Variants in MAP3K5 observed in about 807,000 individuals in gnomAD.
MAP3K5 encodes the protein mitogen-activated protein kinase kinase kinase 5.
A neutral mutation model predicts 158.7 loss-of-function variants in MAP3K5; 56 were observed. The ratio of observed to expected loss-of-function variants is 0.35; its 90% confidence interval spans 0.28 to 0.44. The LOEUF is 0.44. Ranked by LOEUF, MAP3K5 falls within the 20% of genes least tolerant of loss-of-function variation. The pLI, the probability that MAP3K5 is intolerant of heterozygous loss-of-function variation, is 1.00. For missense variants in MAP3K5, 1,294 were observed against 1,674.8 expected, an observed-to-expected ratio of 0.77 and a Z score of 3.97; for synonymous variants, 579 against 601.7, an observed-to-expected ratio of 0.96 and a Z score of 0.55.
At chr6:136,667,882 G>A (rs1425775121) in intron 8 of MAP3K5, among the ~76,000 whole-genome samples, 1 of 151,670 alleles carries the variant, frequency 6.6e-6, no homozygotes, top group African/African-American at 2.4e-5. Context: ...AGACCTTTAT[G>A]CCTTTAATAC....
chr6:136,669,143 G>T (rs188761783), intron 8 of MAP3K5, 140 bp downstream of exon 8: 12 of 668,626 alleles, frequency 1.8e-5, no homozygotes, highest in Non-Finnish European at 2.7e-6. Flanking sequence ...CAAACAAGGA[G>T]ATATAATAAG....
chr6:136,666,278 A>G (rs1779227268), intron 8 of MAP3K5, among the ~76,000 whole-genome samples: 1 of 152,258 alleles, frequency 6.6e-6, no homozygotes, highest in Non-Finnish European at 1.5e-5. Flanking sequence ...ACAGCATGAC[A>G]GTTAAGAATC....
At chr6:136,722,428 A>G (rs1047069238) in intron 1 of MAP3K5, among the ~76,000 whole-genome samples, 3 of 152,202 alleles carry the variant, frequency 2.0e-5, no homozygotes, top group African/African-American at 7.2e-5. Flanking sequence ...CAGCAATGAT[A>G]AAAACATTAC....
intron 7 of MAP3K5, among the ~76,000 whole-genome samples, chr6:136,686,898 T>C (rs1182172530): frequency 1.3e-5 from 2 of 152,212 alleles, no homozygotes; most frequent in Non-Finnish European, 2.9e-5. Context: ...ACCATTGACA[T>C]TCTTCACAGA....
In MAP3K5 at chr6:136,698,868, T is replaced by A. The variant is rs6929681; in HGVS notation, c.613-186A>T. Among the ~76,000 whole-genome samples, 14,810 of 152,122 alleles carry A rather than the reference T, an allele frequency of 0.097. 2,358 individuals carry two copies. The highest frequency in any genetic ancestry group is 0.33 in the African/African-American group (13,703 of 41,416). On this transcript the variant is annotated intron_variant, in intron 3 of 29. Transcript: ENST00000359015. ...CCTTTCACTGCATACTTCAAATAAT[T>A]AGGACTTACAGATGATACCAAAAAA...
chr6:136,703,478 C>G (rs1168661623), intron 3 of MAP3K5, among the ~76,000 whole-genome samples: 1 of 152,246 alleles, frequency 6.6e-6, no homozygotes, highest in Non-Finnish European at 1.5e-5. Context: ...AACAGTTACA[C>G]ATGTGCTTGT....
At chr6:136,757,586 A>ATTTTTTTTTTTTT (rs897486770) in intron 1 of MAP3K5, among the ~76,000 whole-genome samples, 4 of 127,818 alleles carry the variant, frequency 3.1e-5, no homozygotes, top group African/African-American at 6.2e-5. Flanking sequence ...TTTATTTTTT[A>ATTTTTTTTTTTTT]TTTTTTTTTT....
At chr6:136,639,471 A>G in intron 13 of MAP3K5, 72 bp downstream of exon 13, 2 of 755,624 alleles carry the variant, frequency 2.6e-6, no homozygotes, top group Non-Finnish European at 2.2e-6. Context: ...CAGGAGGTAC[A>G]TGTTCACTCA....
chr6:136,710,933 A>C (rs1298077801), intron 2 of MAP3K5, among the ~76,000 whole-genome samples: 1 of 152,132 alleles, frequency 6.6e-6, no homozygotes, highest in Non-Finnish European at 1.5e-5. Context: ...ACTCATTTCA[A>C]TGTGTCAAAA....
At chr6:136,682,021 A>C (rs1261240689) in intron 7 of MAP3K5, among the ~76,000 whole-genome samples, 1 of 152,224 alleles carries the variant, frequency 6.6e-6, no homozygotes, top group African/African-American at 2.4e-5. Context: ...TCAAGGTCAA[A>C]GCATGAGACC....
intron 8 of MAP3K5, among the ~76,000 whole-genome samples, chr6:136,661,942 A>G (rs1160239201): frequency 6.6e-6 from 1 of 152,256 alleles, no homozygotes; most frequent in Admixed American, 6.5e-5. Context: ...CATTTATCAC[A>G]TGATTGTGAC....
At chr6:136,777,907 G>GT (rs1478073587) in intron 1 of MAP3K5, among the ~76,000 whole-genome samples, 1 of 152,130 alleles carries the variant, frequency 6.6e-6, no homozygotes, top group Non-Finnish European at 1.5e-5. Flanking sequence ...ATTTTATTAT[G>GT]TAACACGGGT....
intron 15 of MAP3K5, among the ~76,000 whole-genome samples, chr6:136,620,135 T>A (rs1212680732): frequency 6.6e-6 from 1 of 152,156 alleles, no homozygotes; most frequent in East Asian, 1.9e-4. Context: ...GCAGGCATGA[T>A]GATGCAGGCC....
Position 136,567,726 on chromosome 6 carries a change from G to A in MAP3K5, c.3666C>T (p.Gly1222=), listed in dbSNP as rs751679984. 4.7e-5 allele frequency: 76 copies of A among 1,613,920 alleles called. No homozygotes were observed. The highest frequency in any genetic ancestry group is 4.0e-5 in the Non-Finnish European group (47 of 1,180,010). Residue 1222 remains glycine (G), a synonymous_variant, in exon 26 of 30, where the codon GGC becomes GGT. Coordinates refer to ENST00000359015, the MANE Select transcript of MAP3K5 (RefSeq NM_005923.4). ...ACACAGTAGAACTGAGCGTGCTCAC[G>A]CCTGAGGTAGCCACAGCATCTTCAA... ...AVIEDAVATS[G]VSTLSSTVSH... is the part of the protein sequence containing the mutation.
At chr6:136,781,371 G>T (rs1397207205) in intron 1 of MAP3K5, among the ~76,000 whole-genome samples, 1 of 152,222 alleles carries the variant, frequency 6.6e-6, no homozygotes, top group African/African-American at 2.4e-5. Context: ...GCTAGCAAGA[G>T]GGAATCAGAA....
intron 10 of MAP3K5, among the ~76,000 whole-genome samples, chr6:136,652,961 C>T (rs1778584960): frequency 6.6e-6 from 1 of 152,280 alleles, no homozygotes; most frequent in South Asian, 2.1e-4. Flanking sequence ...ATATACCTCA[C>T]TTATGAGTTT....
In MAP3K5 at chr6:136,601,131, T is replaced by C; in HGVS notation, c.2858-89A>G. ...ATCAACAAAAAATGAATGCCTGAAA[T>C]GGGGTCAATGTCCTTTCCAAACATT... On this transcript the variant is annotated intron_variant, in intron 20 of 29. Transcript: ENST00000359015. 2.5e-6 allele frequency: 3 copies of C among 1,217,692 alleles called. No individual in the cohort carries two copies. The South Asian group carries it at 3.8e-5, about 15-fold the overall frequency. 75.4% of individuals were successfully genotyped at this position (1,217,692 alleles called of 1,614,324 possible). A position where few individuals can be genotyped will look rare whatever the true frequency, so the allele number is the denominator to read the frequency against.
chr6:136,557,645 A>G lies in MAP3K5; in HGVS notation c.*113T>C. On this transcript the variant is annotated 3_prime_UTR_variant, in exon 30 of 30. Transcript: ENST00000359015. ...TTTTTTTTAACATGAGTAAACAAAT[A>G]CTGGATTTAAAGTGCAGCGCCTTTC... 1.6e-6 allele frequency: 1 copy of G among 644,964 alleles called. No homozygotes were observed. The highest frequency in any genetic ancestry group is 2.7e-6 in the Non-Finnish European group (1 of 367,550). 40.0% of individuals were successfully genotyped at this position (644,964 alleles called of 1,614,324 possible). A position where few individuals can be genotyped will look rare whatever the true frequency, so the allele number is the denominator to read the frequency against.
intron 1 of MAP3K5, among the ~76,000 whole-genome samples, chr6:136,748,306 C>T (rs577093005): frequency 6.6e-6 from 1 of 152,062 alleles, no homozygotes; most frequent in South Asian, 2.1e-4. Flanking sequence ...ACATTTGAAC[C>T]GTATTAATTT....
Sources: gnomAD v4.1 joint callset for allele counts (sites outside exome capture counted in the v4.1 genomes callset) on GRCh38, gnomAD v4.1.1 for gene constraint, MANE v1.5 for transcripts, NCBI Gene and HGNC (gene_info 2026-07-23, HGNC 2026-07-21) for gene names.